C1R: variants seen among roughly 807,000 people sequenced by gnomAD.
C1R encodes the protein complement C1r, also known as complement C1r subcomponent.
Under a neutral mutation model 27.6 loss-of-function variants are expected in C1R, and 15 were observed. The observed-to-expected ratio is 0.54, with a 90% CI of 0.36 to 0.84. C1R has a LOEUF of 0.84. Ranked by LOEUF, C1R falls within the 40% of genes least tolerant of loss-of-function variation. The pLI, the probability that C1R is intolerant of heterozygous loss-of-function variation, is 0.01. For synonymous variants in C1R, 253 were observed against 228.8 expected (o/e 1.11, Z -0.95); for missense variants, 544 against 577.9 (o/e 0.94, Z 0.60).
Position 7,088,596 on chromosome 12 carries a change from C to T in C1R, c.1038+14G>A, listed in dbSNP as rs1013417937. 1.4e-6 allele frequency: 1 copy of T among 719,972 alleles called. No individual in the cohort carries two copies. The highest frequency in any genetic ancestry group is 2.6e-6 in the Non-Finnish European group (1 of 385,676). The allele number at this position is 719,972 out of a possible 1,614,324, so 44.6% of individuals were successfully genotyped here. A position where few individuals can be genotyped will look rare whatever the true frequency, so the allele number is the denominator to read the frequency against. ...TGCTGGGCCGGCTCTCTCCCCTCAG[C>T]CCTGGGCTCTTACCTCTATGAGCTG... On this transcript the variant is annotated intron_variant, in intron 7 of 10. Transcript: ENST00000647956.
At chr12:7,090,013 A>T in intron 3 of C1R, 43 bp downstream of exon 3, 1 of 730,790 alleles carries the variant, frequency 1.4e-6, no homozygotes, top group Non-Finnish European at 2.6e-6. Context: ...CCCATTCAAT[A>T]TGGCTGAGGT....
At position 7,091,776 on chromosome 12, in the gene C1R, T is replaced by C. The variant is rs1938281831; in HGVS notation, c.3-96A>G. On this transcript the variant is annotated intron_variant, in intron 1 of 10. Transcript: ENST00000647956. This position sits in a 1 kb window ranked among gnomAD's most constrained non-coding sequence, Gnocchi z 5.1. ...GCAGGGGATGAGACGGCCATACCAC[T>C]GGGCATTCTCCTCTCTGCCCACCCT... 1 of 714,722 alleles carries C rather than the reference T, an allele frequency of 1.4e-6. No individual in the cohort carries two copies. The highest frequency in any genetic ancestry group is 2.6e-6 in the Non-Finnish European group (1 of 384,956). 44.3% of individuals were successfully genotyped at this position (714,722 alleles called of 1,614,324 possible).
In C1R at chr12:7,080,335, G is replaced by A; in HGVS notation, c.*197C>T. The A allele has an allele frequency of 3.8e-6, 5 of 1,326,874 alleles. No individual in the cohort carries two copies. Among genetic ancestry groups the A allele is most frequent in the Non-Finnish European group, 4.8e-6 (5 of 1,043,406 alleles). 82.2% of individuals were successfully genotyped at this position (1,326,874 alleles called of 1,614,324 possible). A position where few individuals can be genotyped will look rare whatever the true frequency, so the allele number is the denominator to read the frequency against. On this transcript the variant is annotated 3_prime_UTR_variant, in exon 11 of 11. Coordinates refer to ENST00000647956, the MANE Select transcript of C1R (RefSeq NM_001733.7). This position sits in a 1 kb window ranked among gnomAD's most constrained non-coding sequence, Gnocchi z 4.9. ...ATAACTATATCCTCTGCAATCCTCAGAAGAAAGAAAGGGGCCCTTTGGGTT... is the reference window on the plus strand; with the variant it reads ...ATAACTATATCCTCTGCAATCCTCAAAAGAAAGAAAGGGGCCCTTTGGGTT...
chr12:7,091,114 T>A lies in C1R; in HGVS notation c.231+338A>T, dbSNP rs2135745114. On this transcript the variant is annotated intron_variant, in intron 2 of 10. Coordinates refer to ENST00000647956, the MANE Select transcript of C1R (RefSeq NM_001733.7). The surrounding 1 kb of genome is among the most constrained non-coding windows in gnomAD (Gnocchi z 5.1). ...GTGTTCCTGTTGAAGCAGGCAGCCATGTCAATCATTTCCTTGGAGACAGGG... is the reference window on the plus strand; with the variant it reads ...GTGTTCCTGTTGAAGCAGGCAGCCAAGTCAATCATTTCCTTGGAGACAGGG... 6.4e-6 allele frequency: 2 copies of A among 314,550 alleles called. No individual in the cohort carries two copies. The highest frequency in any genetic ancestry group is 9.9e-5 in the East Asian group (1 of 10,064). The allele number at this position is 314,550 out of a possible 1,614,324, so 19.5% of individuals were successfully genotyped here.
At chr12:7,085,077 A>ATGGTGGTGATGATGGTGT (rs1280448877) in intron 9 of C1R, among the ~76,000 whole-genome samples, 2 of 97,710 alleles carry the variant, frequency 2.0e-5, no homozygotes, top group Admixed American at 1.8e-4. Context: ...GATAGTGGTG[A>ATGGTGGTGATGATGGTGT]TGGTGGTGAT....
At chr12:7,089,930 G>A in intron 3 of C1R, 126 bp downstream of exon 3, 1 of 701,672 alleles carries the variant, frequency 1.4e-6, no homozygotes, top group South Asian at 1.5e-5. Flanking sequence ...GTTAGGAAAA[G>A]CTCTCTCGAG....
chr12:7,080,551 T>G lies in C1R; in HGVS notation c.2099A>C (p.Glu700Ala). Reference protein sequence around the residue: ...VLNYVDWIKKEMEEED With the variant: ...VLNYVDWIKKAMEEED ...CTGGGCTCAGTCCTCCTCCTCCATC[T>G]CTTTCTTGATCCAGTCCACGTAGTT... Residue 700 changes from glutamate (E) to alanine (A), a missense_variant, in exon 11 of 11, where the codon GAG becomes GCG. Glu to Ala is a moderately radical substitution (Grantham distance 107). Around this residue, in one of 2 missense-constraint regions of C1R, gnomAD observed 253 missense variants for 368.9 expected, o/e 0.69. Coordinates refer to ENST00000647956, the MANE Select transcript of C1R (RefSeq NM_001733.7). The surrounding 1 kb of genome is among the most constrained non-coding windows in gnomAD (Gnocchi z 4.9). The G allele has an allele frequency of 1.3e-6, 2 of 1,573,414 alleles. No individual in the cohort carries two copies. Among genetic ancestry groups the G allele is most frequent in the Admixed American group, 3.5e-5 (2 of 56,878 alleles).
chr12:7,088,055 G>T (rs1938182338), intron 7 of C1R, among the ~76,000 whole-genome samples: 1 of 152,198 alleles, frequency 6.6e-6, no homozygotes, highest in Non-Finnish European at 1.5e-5. Context: ...ACCAACATGT[G>T]TAAAAGAGCC....
In C1R at chr12:7,090,267, G is replaced by A. The variant is rs4600291; in HGVS notation, c.232-19C>T. On this transcript the variant is annotated intron_variant, in intron 2 of 10. Coordinates refer to ENST00000647956, the MANE Select transcript of C1R (RefSeq NM_001733.7). ...CAGAGATCTGGTGGAAGAAGGACAG[G>A]GGGTAGGAAGAAGATCTGTTGCGGA... 24 of 718,460 alleles carry A rather than the reference G, an allele frequency of 3.3e-5. No individual in the cohort carries two copies. The highest frequency in any genetic ancestry group is 6.2e-5 in the Non-Finnish European group (24 of 384,634). 44.5% of individuals were successfully genotyped at this position (718,460 alleles called of 1,614,324 possible).
rs1714271214 is a variant in C1R at position 7,089,006 on chromosome 12, T to G, written c.769-20A>C. On this transcript the variant is annotated intron_variant, in intron 5 of 10. Coordinates refer to ENST00000647956, the MANE Select transcript of C1R (RefSeq NM_001733.7). ...ATAGATCTAGTAGGGGAGGAGGGTTTTTTTTTTTCAGCTTGGACGTTTTTA... is the reference window on the plus strand; with the variant it reads ...ATAGATCTAGTAGGGGAGGAGGGTTGTTTTTTTTCAGCTTGGACGTTTTTA... 1.4e-6 allele frequency: 1 copy of G among 708,138 alleles called. No homozygotes were observed. Among genetic ancestry groups the G allele is most frequent in the Non-Finnish European group, 2.6e-6 (1 of 385,598 alleles). The allele number at this position is 708,138 out of a possible 1,614,324, so 43.9% of individuals were successfully genotyped here.
At chr12:7,086,542 C>CAATA in intron 7 of C1R, 85 bp from the exon 8 acceptor site, 1 of 396,842 alleles carries the variant, frequency 2.5e-6, no homozygotes, top group Non-Finnish European at 4.4e-6. Flanking sequence ...GAGTGGGAGG[C>CAATA]AATACCAAGA....
In C1R at chr12:7,091,434, C is replaced by T. The variant is rs770884552; in HGVS notation, c.231+18G>A. 22 of 738,396 alleles carry T rather than the reference C, an allele frequency of 3.0e-5. No homozygotes were observed. The highest frequency in any genetic ancestry group is 2.3e-4 in the Middle Eastern group (1 of 4,362). 45.7% of individuals were successfully genotyped at this position (738,396 alleles called of 1,614,324 possible). A position where few individuals can be genotyped will look rare whatever the true frequency, so the allele number is the denominator to read the frequency against. ...GGCCCAGTTTTGTCTCCCCTCTGCCCGCCCATCCTGCCCCTACCTTGACAT... is the reference window on the plus strand; with the variant it reads ...GGCCCAGTTTTGTCTCCCCTCTGCCTGCCCATCCTGCCCCTACCTTGACAT... On this transcript the variant is annotated intron_variant, in intron 2 of 10. Coordinates refer to ENST00000647956, the MANE Select transcript of C1R (RefSeq NM_001733.7). This position sits in a 1 kb window ranked among gnomAD's most constrained non-coding sequence, Gnocchi z 5.1.
rs1235987172 is a variant in C1R, at chr12:7,089,700, CCT to C, written c.456_457del (p.Glu154GlyfsTer27). The C allele has an allele frequency of 1.3e-6, 1 of 780,902 alleles. No individual in the cohort carries two copies. The highest frequency in any genetic ancestry group is 2.4e-5 in the East Asian group (1 of 41,250). The allele number at this position is 780,902 out of a possible 1,614,324, so 48.4% of individuals were successfully genotyped here. A position where few individuals can be genotyped will look rare whatever the true frequency, so the allele number is the denominator to read the frequency against. On this transcript the variant is annotated frameshift_variant, in exon 4 of 11. Coordinates refer to ENST00000647956, the MANE Select transcript of C1R (RefSeq NM_001733.7). LOFTEE classifies it high-confidence loss of function. Reference sequence around the variant, plus strand: ...GCACTGGGGCTGGGGATCCTCCTCCCCTGATTTGCTCCGGGAAGCACATTCAT... The same window carrying C: ...GCACTGGGGCTGGGGATCCTCCTCCCGATTTGCTCCGGGAAGCACATTCAT...
At position 7,081,184 on chromosome 12, in the gene C1R, C is replaced by G; in HGVS notation, c.1466G>C (p.Gly489Ala). 6.2e-7 allele frequency: 1 copy of G among 1,613,758 alleles called. No individual in the cohort carries two copies. Among genetic ancestry groups the G allele is most frequent in the African/African-American group, 1.3e-5 (1 of 75,034 alleles). Residue 489 changes from glycine to alanine, a missense_variant, in exon 11 of 11, where the codon GGG becomes GCG. By Grantham distance (60) the Gly-to-Ala change is moderately conservative (BLOSUM62 0). Around this residue, in one of 2 missense-constraint regions of C1R, gnomAD observed 253 missense variants for 368.9 expected, o/e 0.69. Transcript: ENST00000647956. ...VFTNIHGRGGGALLGDRWILT... is the reference protein window; with the variant it reads ...VFTNIHGRGGAALLGDRWILT... ...GATCCAGCGGTCGCCCAGCAGGGCC[C>G]CGCCCCCGCGCCCGTGGATGTTGGT...
chr12:7,091,239 T>C lies in C1R; in HGVS notation c.231+213A>G. The stretch of plus-strand genomic sequence containing the variant: ...TGTTGAATTTCCTGAGTGGGTCCTG[T>C]CCCCTTCCTTCTCTGTGCTTCTCCC... On this transcript the variant is annotated intron_variant, in intron 2 of 10. Transcript: ENST00000647956. The surrounding 1 kb of genome is among the most constrained non-coding windows in gnomAD (Gnocchi z 5.1). 1 of 562,044 alleles carries C rather than the reference T, an allele frequency of 1.8e-6. No individual in the cohort carries two copies. The highest frequency in any genetic ancestry group is 3.1e-6 in the Non-Finnish European group (1 of 321,754). 34.8% of individuals were successfully genotyped at this position (562,044 alleles called of 1,614,324 possible).
At chr12:7,086,917 G>T (rs1033405275) in intron 7 of C1R, 6 of 153,172 alleles carry the variant, frequency 3.9e-5, no homozygotes, top group African/African-American at 1.2e-4. Context: ...TAAGGACAGA[G>T]GCCTTCCCTA....
intron 9 of C1R, among the ~76,000 whole-genome samples, chr12:7,084,997 T>G (rs1031233464): frequency 2.7e-5 from 4 of 148,910 alleles, no homozygotes; most frequent in Admixed American, 2.7e-4. Flanking sequence ...TTGGTGGTGA[T>G]GGTGGTGGTG....
rs189155429 is a variant in C1R, at chr12:7,089,414, G to T, written c.647C>A (p.Pro216His). The T allele has an allele frequency of 3.8e-5, 30 of 780,196 alleles. No homozygotes were observed. The East Asian group carries it at 5.6e-4, about 15-fold the overall frequency. 48.3% of individuals were successfully genotyped at this position (780,196 alleles called of 1,614,324 possible). Residue 216 changes from proline to histidine, a missense_variant, in exon 5 of 11, where the codon CCT (proline) becomes CAT (histidine). Pro to His is a moderately conservative substitution (Grantham distance 77, BLOSUM62 -2). This residue lies in a region of C1R where 291 missense variants were observed against 209.0 expected (regional missense o/e 1.39). Coordinates refer to ENST00000647956, the MANE Select transcript of C1R (RefSeq NM_001733.7). ...SSLEYPRSYP[P>H]DLRCNYSIRV... is the part of the protein sequence containing the mutation. ...GATGCTGTAGTTGCAGCGCAGGTCA[G>T]GGGGGTAGGACCGAGGGTACTCCAG...
At chr12:7,081,903 C>G in intron 10 of C1R, 129 bp downstream of exon 10, 2 of 718,446 alleles carry the variant, frequency 2.8e-6, no homozygotes, top group Non-Finnish European at 4.5e-6. Flanking sequence ...AGCACTCTGT[C>G]CCTCTCTCCC....
Sources: allele counts gnomAD v4.1 joint callset (sites outside exome capture counted in the v4.1 genomes callset), GRCh38; gene constraint gnomAD v4.1.1; regional missense constraint gnomAD v4.1.1; non-coding constraint Gnocchi (gnomAD v3.1); transcripts MANE v1.5; gene names NCBI Gene and HGNC (gene_info 2026-07-23, HGNC 2026-07-21).